Variants in SDCBP2 observed in about 807,000 individuals in gnomAD.
SDCBP2 encodes the protein syndecan binding protein 2.
A neutral mutation model predicts 30.7 loss-of-function variants in SDCBP2; 28 were observed. The ratio of observed to expected loss-of-function variants is 0.91; its 90% CI spans 0.68 to 1.25. The LOEUF is 1.25. SDCBP2 is among the 50% of genes most tolerant of loss of function. The probability of loss-of-function intolerance (pLI) is 0.00; values close to 1 mark genes in which losing one functional copy is unlikely to be tolerated. For missense variants in SDCBP2, 399 were observed against 379.0 expected (o/e 1.05, Z -0.44); for synonymous variants, 166 against 157.3 (o/e 1.06, Z -0.41).
chr20:1,326,655 GTATTTGCCTCT>G (rs2088932145), intron 1 of SDCBP2, among the ~76,000 whole-genome samples: 1 of 152,174 alleles, frequency 6.6e-6, no homozygotes, highest in African/African-American at 2.4e-5. Context: ...AGCATTTCTT[GTATTTGCCTCT>G]TCATCATATA....
At chr20:1,319,430 G>GT in intron 3 of SDCBP2, 160 bp downstream of exon 3, 1 of 745,296 alleles carries the variant, frequency 1.3e-6, no homozygotes, top group Admixed American at 2.2e-5. Flanking sequence ...CACCCAGGCA[G>GT]TAAGAGGTGG....
chr20:1,322,299 G>A (rs2088859767), intron 1 of SDCBP2: 1 of 152,178 alleles, frequency 6.6e-6, no homozygotes, highest in Non-Finnish European at 1.5e-5. Flanking sequence ...TCCTACTCCT[G>A]TTGAGTATTC....
rs770084396 is a variant in SDCBP2 at position 1,312,694 on chromosome 20, C to T, written c.453G>A (p.Gln151=). The T allele has an allele frequency of 2.5e-6, 4 of 1,614,176 alleles. No individual in the cohort carries two copies. The Admixed American group carries it at 6.7e-5, about 27-fold the overall frequency. ...ASLVGLRFGD[Q]LLQIDGRDCA... ...AGTCACGCCCGTCAATCTGCAGGAG[C>T]TGGTCCCCAAAGCGCAGCCCCACAA... The change falls in exon 6 of 9, where the codon CAG becomes CAA. Residue 151 remains glutamine (Q), a synonymous_variant. Transcript: ENST00000360779.
At chr20:1,318,555 G>T in intron 3 of SDCBP2, 137 bp from the exon 4 acceptor site, 2 of 591,226 alleles carry the variant, frequency 3.4e-6, no homozygotes, top group Non-Finnish European at 3.0e-6. Context: ...AGACTGTGGG[G>T]TATCCCCAGG....
chr20:1,328,689 T>G (rs2088969180), intron 1 of SDCBP2, among the ~76,000 whole-genome samples: 1 of 152,138 alleles, frequency 6.6e-6, no homozygotes, highest in South Asian at 2.1e-4. Flanking sequence ...AGAAACAGCC[T>G]CAGGCCAGAG....
chr20:1,320,841 A>G lies in SDCBP2; in HGVS notation c.-19-406T>C, dbSNP rs1262941982. The G allele has an allele frequency of 6.4e-6, 1 of 156,624 alleles. No homozygotes were observed. Among genetic ancestry groups the G allele is most frequent in the African/African-American group, 2.4e-5 (1 of 41,560 alleles). The allele number at this position is 156,624 out of a possible 1,614,324, so 9.7% of individuals were successfully genotyped here. A position where few individuals can be genotyped will look rare whatever the true frequency, so the allele number is the denominator to read the frequency against. On this transcript the variant is annotated intron_variant, in intron 1 of 8. Transcript: ENST00000360779. This position sits in a 1 kb window ranked among gnomAD's most constrained non-coding sequence, Gnocchi z 4.7. ...CCAGGGAGAATCAGCAGGACCTCTG[A>G]GCAAGGTGCCCCGAGAAAGTGAAAG...
chr20:1,313,765 G>A lies in SDCBP2; in HGVS notation c.226-267C>T, dbSNP rs2088725988. On this transcript the variant is annotated intron_variant, in intron 4 of 8. Coordinates refer to ENST00000360779, the MANE Select transcript of SDCBP2 (RefSeq NM_080489.5). The surrounding 1 kb of genome is among the most constrained non-coding windows in gnomAD (Gnocchi z 5.2). ...CAGGAAGAGGCCCTTCATTTCCCAA[G>A]GGAAACTGGCATCAGGAAAAGCCTC... 15 of 800,566 alleles carry A rather than the reference G, an allele frequency of 1.9e-5. No individual in the cohort carries two copies. The highest frequency in any genetic ancestry group is 2.5e-5 in the Non-Finnish European group (15 of 593,584). The allele number at this position is 800,566 out of a possible 1,614,324, so 49.6% of individuals were successfully genotyped here. A position where few individuals can be genotyped will look rare whatever the true frequency, so the allele number is the denominator to read the frequency against.
At chr20:1,319,979 A>C (rs1568562979) in intron 2 of SDCBP2, among the ~76,000 whole-genome samples, 2 of 152,312 alleles carry the variant, frequency 1.3e-5, no homozygotes, top group East Asian at 3.9e-4. Context: ...AACCCACTGG[A>C]ACCACAGAGT....
Position 1,313,624 on chromosome 20 carries a change from A to G in SDCBP2, c.226-126T>C, listed in dbSNP as rs912262273. The G allele has an allele frequency of 8.4e-6, 12 of 1,421,050 alleles. No individual in the cohort carries two copies. Among genetic ancestry groups the G allele is most frequent in the Non-Finnish European group, 1.0e-5 (11 of 1,090,326 alleles). The allele number at this position is 1,421,050 out of a possible 1,614,324, so 88.0% of individuals were successfully genotyped here. A position where few individuals can be genotyped will look rare whatever the true frequency, so the allele number is the denominator to read the frequency against. ...CGTCCCCGGGTCCCCCCACGTCCCC[A>G]GTCCACGCTTCTCCCCTAGGGGCGA... On this transcript the variant is annotated intron_variant, in intron 4 of 8. Coordinates refer to ENST00000360779, the MANE Select transcript of SDCBP2 (RefSeq NM_080489.5). This position sits in a 1 kb window ranked among gnomAD's most constrained non-coding sequence, Gnocchi z 5.2.
intron 7 of SDCBP2, among the ~76,000 whole-genome samples, chr20:1,312,014 C>T (rs2088678639): frequency 6.6e-6 from 1 of 151,718 alleles, no homozygotes; most frequent in Admixed American, 6.6e-5. Context: ...GTCCTCCCAC[C>T]TCAGCCTCCT....
At position 1,312,509 on chromosome 20, in the gene SDCBP2, C is replaced by G; in HGVS notation, c.561-1G>C. On this transcript the variant is annotated splice_acceptor_variant, in intron 6 of 8. Transcript: ENST00000360779. LOFTEE classifies it high-confidence loss of function. Reference sequence around the variant, plus strand: ...CATGGTGACAGTCCGCTGGAACGGCCTGGCAGGAGGGACAGTGAGCTGTCC... The same window carrying G: ...CATGGTGACAGTCCGCTGGAACGGCGTGGCAGGAGGGACAGTGAGCTGTCC... 6.2e-7 allele frequency: 1 copy of G among 1,614,138 alleles called. No individual in the cohort carries two copies. The highest frequency in any genetic ancestry group is 1.1e-5 in the South Asian group (1 of 91,080).
At position 1,310,055 on chromosome 20, in the gene SDCBP2, G is replaced by C. The variant is rs7466; in HGVS notation, c.*386C>G. On this transcript the variant is annotated 3_prime_UTR_variant, in exon 9 of 9. Coordinates refer to ENST00000360779, the MANE Select transcript of SDCBP2 (RefSeq NM_080489.5). ...AGTCTGTGACAAAGAGCAAGTCAAG[G>C]CAAGGAAAAAGCTCTCACAAAGAAC... The C allele has an allele frequency of 0.64, 112,345 of 174,524 alleles. 37,429 individuals carry two copies. The highest frequency in any genetic ancestry group is 0.99 in the East Asian group (6,261 of 6,338). The allele number at this position is 174,524 out of a possible 1,614,324, so 10.8% of individuals were successfully genotyped here. A position where few individuals can be genotyped will look rare whatever the true frequency, so the allele number is the denominator to read the frequency against.
intron 1 of SDCBP2, among the ~76,000 whole-genome samples, chr20:1,327,172 T>C (rs1052174742): frequency 2.6e-5 from 4 of 152,188 alleles, no homozygotes; most frequent in Admixed American, 1.3e-4. Flanking sequence ...CCACAGCCCT[T>C]TCCAGATTTC....
In SDCBP2 at chr20:1,314,603, A is replaced by AC. The variant is rs1225412486; in HGVS notation, c.226-1106_226-1105insG. ...TTACAATCACTCAAAAAAAAAAAAA[A>AC]AAAAAGAGGCCGAGCTCAGTGGCTC... On this transcript the variant is annotated intron_variant, in intron 4 of 8. Transcript: ENST00000360779. 1.5e-3 allele frequency among the ~76,000 whole-genome samples: 222 copies of AC among 149,508 alleles called. 1 individual carries two copies. Among genetic ancestry groups the AC allele is most frequent in the African/African-American group, 5.1e-3 (208 of 40,980 alleles).
At chr20:1,317,937 A>T (rs1386616173) in intron 4 of SDCBP2, 4 of 350,832 alleles carry the variant, frequency 1.1e-5, no homozygotes, top group African/African-American at 8.5e-5. Context: ...CTTGTTGTTT[A>T]ATTTGGGGAC....
rs2088704126 is a variant in SDCBP2 at position 1,313,041 on chromosome 20, C to T, written c.385-279G>A. On this transcript the variant is annotated intron_variant, in intron 5 of 8. Transcript: ENST00000360779. The surrounding 1 kb of genome is among the most constrained non-coding windows in gnomAD (Gnocchi z 5.2). ...ACAAAGGCATGGGCTTCCCTGGCGT[C>T]GGCTGTCTACACCGTCGCCTGGAAG... is the stretch of plus-strand genomic sequence containing the variant. 4 of 585,986 alleles carry T rather than the reference C, an allele frequency of 6.8e-6. No homozygotes were observed. Among genetic ancestry groups the T allele is most frequent in the East Asian group, 2.9e-5 (1 of 35,046 alleles). 36.3% of individuals were successfully genotyped at this position (585,986 alleles called of 1,614,324 possible).
intron 4 of SDCBP2, chr20:1,317,980 C>G: frequency 2.7e-6 from 1 of 372,384 alleles, no homozygotes; most frequent in South Asian, 2.1e-5. Context: ...GCCCTCTCGG[C>G]TCTGTTTATC....
At chr20:1,315,400 G>A (rs6041352) in intron 4 of SDCBP2, among the ~76,000 whole-genome samples, 62,531 of 151,822 alleles carry the variant, frequency 0.41, 13,921 homozygotes, top group East Asian at 0.63. Flanking sequence ...GTGCTGGAAC[G>A]TGCCTGTGGT....
chr20:1,310,482 G>C lies in SDCBP2; in HGVS notation c.838C>G (p.Leu280Val). 6.2e-7 allele frequency: 1 copy of C among 1,613,796 alleles called. No homozygotes were observed. The highest frequency in any genetic ancestry group is 8.5e-7 in the Non-Finnish European group (1 of 1,179,992). ...GAGTGGTCCATGGTGTGGTGGAGCA[G>C]GACTGGAGGCAACCTGGATACAGCA... The part of the protein sequence containing the change: ...EHMVKKLPPV[L>V]LHHTMDHSIP... Residue 280 changes from leucine (L) to valine (V), a missense_variant, in exon 9 of 9, where the codon CTG (leucine) becomes GTG (valine). Physicochemically the swap from Leu to Val is conservative, Grantham distance 32. Transcript: ENST00000360779.
Sources: gnomAD v4.1 joint callset for allele counts (sites outside exome capture counted in the v4.1 genomes callset) on GRCh38, gnomAD v4.1.1 for gene constraint, Gnocchi (gnomAD v3.1) non-coding constraint, MANE v1.5 for transcripts, NCBI Gene and HGNC (gene_info 2026-07-23, HGNC 2026-07-21) for gene names.